RREB1: variants seen among roughly 807,000 people sequenced by gnomAD.
The protein encoded by RREB1 is ras-responsive element-binding protein 1.
RREB1 carries 27 observed loss-of-function variants against 117.8 expected under a neutral mutation model. That is an observed-to-expected ratio of 0.23 (90% CI 0.17 to 0.32). The LOEUF (loss-of-function observed/expected upper bound fraction) is 0.32, where lower values mean the gene tolerates loss of function less well. RREB1 is among the 10% of genes least tolerant of loss of function. The pLI, the probability that RREB1 is intolerant of heterozygous loss-of-function variation, is 1.00. For synonymous variants in RREB1, 1,298 were observed against 1,026.7 expected, an observed-to-expected ratio of 1.26 and a Z score of -5.05; for missense variants, 2,577 against 2,378.2, an observed-to-expected ratio of 1.08 and a Z score of -1.74.
chr6:7,165,872 G>C (rs1370079758), intron 1 of RREB1, among the ~76,000 whole-genome samples: 1 of 152,086 alleles, frequency 6.6e-6, no homozygotes, highest in African/African-American at 2.4e-5. Flanking sequence ...CATTTGGGGG[G>C]AGTTTGGGGG....
At chr6:7,165,868 G>A (rs538300213) in intron 1 of RREB1, among the ~76,000 whole-genome samples, 2 of 152,206 alleles carry the variant, frequency 1.3e-5, no homozygotes, top group South Asian at 2.1e-4. Context: ...GTAACATTTG[G>A]GGGGAGTTTG....
chr6:7,192,151 T>C (rs1765439379), intron 6 of RREB1, among the ~76,000 whole-genome samples: 1 of 99,096 alleles, frequency 1.0e-5, no homozygotes, highest in South Asian at 4.0e-4. Context: ...TTTGCATCTA[T>C]GGTTGGGTTG....
intron 1 of RREB1, among the ~76,000 whole-genome samples, chr6:7,166,572 C>T (rs149666724): frequency 4.7e-4 from 71 of 152,288 alleles, no homozygotes; most frequent in African/African-American, 1.5e-3. Context: ...CGTCTGATTA[C>T]GCACTGTGAA....
chr6:7,142,483 G>A (rs1276051466), intron 1 of RREB1, among the ~76,000 whole-genome samples: 2 of 152,252 alleles, frequency 1.3e-5, no homozygotes, highest in Non-Finnish European at 2.9e-5. Flanking sequence ...ACCGGTGAGG[G>A]CAGCAGGTCA....
At chr6:7,160,240 G>A (rs1460526113) in intron 1 of RREB1, among the ~76,000 whole-genome samples, 1 of 151,640 alleles carries the variant, frequency 6.6e-6, no homozygotes, top group Non-Finnish European at 1.5e-5. Flanking sequence ...TAGACACAGG[G>A]GTCTTGCTAT....
In RREB1 at chr6:7,240,502, C is replaced by A; in HGVS notation, c.3873C>A (p.Arg1291=). 1 of 1,613,906 alleles carries A rather than the reference C, an allele frequency of 6.2e-7. No individual in the cohort carries two copies. The highest frequency in any genetic ancestry group is 8.5e-7 in the Non-Finnish European group (1 of 1,179,916). ...TTTCTACCAAATCTAACTGTGAACGCCACCAGTTGCGCAAACACGGAGTTA... is the reference window on the plus strand; with the variant it reads ...TTTCTACCAAATCTAACTGTGAACGACACCAGTTGCGCAAACACGGAGTTA... ...AFFSTKSNCE[R]HQLRKHGVTT... Residue 1291 remains arginine, a synonymous_variant, in exon 11 of 13, where the codon CGC becomes CGA. Transcript: ENST00000379938.
chr6:7,113,785 G>A (rs903404212), intron 1 of RREB1, among the ~76,000 whole-genome samples: 2 of 152,212 alleles, frequency 1.3e-5, no homozygotes, highest in African/African-American at 2.4e-5. Flanking sequence ...GAGTTTGAAG[G>A]TATAAGGAAA....
chr6:7,194,955 C>T (rs1765595132), intron 6 of RREB1, among the ~76,000 whole-genome samples: 1 of 152,198 alleles, frequency 6.6e-6, no homozygotes. Flanking sequence ...GTAGTATTAT[C>T]CGTACCTACC....
intron 1 of RREB1, among the ~76,000 whole-genome samples, chr6:7,113,253 A>C (rs1181483933): frequency 1.3e-5 from 2 of 152,238 alleles, no homozygotes. Context: ...TCAGACAGCC[A>C]GAGTGAAGAG....
chr6:7,142,169 C>G (rs1032820401), intron 1 of RREB1, among the ~76,000 whole-genome samples: 1 of 151,624 alleles, frequency 6.6e-6, no homozygotes, highest in African/African-American at 2.4e-5. Flanking sequence ...GAGCCGAGAT[C>G]GCGCCACCGC....
chr6:7,228,796 A>G (rs902318513), intron 9 of RREB1, among the ~76,000 whole-genome samples: 2 of 151,950 alleles, frequency 1.3e-5, no homozygotes, highest in African/African-American at 2.4e-5. Flanking sequence ...GCATGAGCCA[A>G]CACACCTGGC....
At position 7,249,133 on chromosome 6, in the gene RREB1, G is replaced by A. The variant is rs1314820528; in HGVS notation, c.*165G>A. The A allele has an allele frequency of 3.1e-6, 2 of 639,076 alleles. No individual in the cohort carries two copies. Among genetic ancestry groups the A allele is most frequent in the South Asian group, 2.4e-5 (1 of 41,598 alleles). The allele number at this position is 639,076 out of a possible 1,614,324, so 39.6% of individuals were successfully genotyped here. On this transcript the variant is annotated 3_prime_UTR_variant, in exon 13 of 13. Transcript: ENST00000379938. ...GCAGGAGCGTGGCTGCTCGCTCAGT[G>A]CCATAGCCTTACCGCAGCCTGCGCG...
At chr6:7,158,262 C>T (rs780966741) in intron 1 of RREB1, among the ~76,000 whole-genome samples, 1 of 152,172 alleles carries the variant, frequency 6.6e-6, no homozygotes. Flanking sequence ...CCCCACCTGC[C>T]TCCCCTTTGA....
chr6:7,130,789 G>T (rs1286713819), intron 1 of RREB1, among the ~76,000 whole-genome samples: 4 of 151,796 alleles, frequency 2.6e-5, no homozygotes, highest in African/African-American at 9.7e-5. Flanking sequence ...GCTAACTTTT[G>T]TATGTTTAGT....
chr6:7,228,495 CTTTTTTTTTTTTT>C (rs568193582), intron 9 of RREB1, among the ~76,000 whole-genome samples: 81 of 91,206 alleles, frequency 8.9e-4, no homozygotes, highest in Non-Finnish European at 1.6e-3. Context: ...AGAAGGTCAA[CTTTTTTTTTTTTT>C]TTTTTTTTTT....
Position 7,111,383 on chromosome 6 carries a change from T to A in RREB1, c.-285+3323T>A, listed in dbSNP as rs143209848. Among the ~76,000 whole-genome samples, 382 of 152,364 alleles carry A rather than the reference T, an allele frequency of 2.5e-3. 2 individuals are homozygous for A. The highest frequency in any genetic ancestry group is 9.7e-3 in the Admixed American group (148 of 15,310). ...TACCCTTTTAGGATTTTGCTCAGCA[T>A]AATTAATATAAATTTAACTCCTATA... On this transcript the variant is annotated intron_variant, in intron 1 of 12. Transcript: ENST00000379938.
chr6:7,231,017 C>A lies in RREB1; in HGVS notation c.2918C>A (p.Pro973Gln), dbSNP rs755034757. The A allele has an allele frequency of 6.2e-7, 1 of 1,614,006 alleles. No homozygotes were observed. Among genetic ancestry groups the A allele is most frequent in the African/African-American group, 1.3e-5 (1 of 74,946 alleles). Residue 973 changes from proline (P) to glutamine (Q), a missense_variant, in exon 10 of 13, where the codon CCA becomes CAA. By Grantham distance (76) the Pro-to-Gln change is moderately conservative (BLOSUM62 -1). Transcript: ENST00000379938. ...AGSSEQPSPC[P>Q]APGPSLPVTL... is the part of the protein sequence containing the mutation. Reference sequence around the variant, plus strand: ...AGCAGCGAGCAGCCCTCTCCCTGCCCAGCACCCGGCCCTTCTCTTCCTGTA... The same window carrying A: ...AGCAGCGAGCAGCCCTCTCCCTGCCAAGCACCCGGCCCTTCTCTTCCTGTA...
chr6:7,123,162 GT>G (rs149980483), intron 1 of RREB1, among the ~76,000 whole-genome samples: 78 of 145,136 alleles, frequency 5.4e-4, no homozygotes, highest in East Asian at 3.8e-3. Flanking sequence ...AGTTGAATGT[GT>G]TTTTTTTTTT....
chr6:7,203,702 A>G (rs895630535), intron 6 of RREB1, among the ~76,000 whole-genome samples: 22 of 152,216 alleles, frequency 1.4e-4, no homozygotes, highest in Non-Finnish European at 2.9e-5. Flanking sequence ...AAATTTAACT[A>G]TCCTTATACT....
Sources: allele counts gnomAD v4.1 joint callset (sites outside exome capture counted in the v4.1 genomes callset), GRCh38; gene constraint gnomAD v4.1.1; transcripts MANE v1.5; gene names NCBI Gene and HGNC (gene_info 2026-07-23, HGNC 2026-07-21).